Variants in APC observed in about 807,000 individuals in gnomAD.
The protein encoded by APC is adenomatous polyposis coli protein.
In APC, 72 loss-of-function variants were observed where a neutral mutation model predicts 247.0. The ratio of observed to expected loss-of-function variants is 0.29; its 90% confidence interval spans 0.24 to 0.35. The LOEUF (loss-of-function observed/expected upper bound fraction) is 0.35. Among genes scored for constraint, APC ranks in the 10% least tolerant of loss-of-function variants. The probability of loss-of-function intolerance (pLI) is 1.00; values close to 1 mark genes in which losing one functional copy is unlikely to be tolerated. For missense variants in APC, 3,400 were observed against 3,360.7 expected, an observed-to-expected ratio of 1.01 and a Z score of -0.29; for synonymous variants, 1,254 against 1,162.5, an observed-to-expected ratio of 1.08 and a Z score of -1.60.
chr5:112,802,245 TGTC>T (rs1350589538), intron 8 of APC, among the ~76,000 whole-genome samples: 8 of 152,096 alleles, frequency 5.3e-5, no homozygotes, highest in African/African-American at 1.9e-4. Flanking sequence ...AAGCTTAAAA[TGTC>T]TTATTAAGTA....
At chr5:112,818,047 G>C (rs989864146) in intron 9 of APC, among the ~76,000 whole-genome samples, 3 of 152,134 alleles carry the variant, frequency 2.0e-5, no homozygotes, top group Non-Finnish European at 4.4e-5. Context: ...TAACGTCCCT[G>C]GTCTCTCCCC....
At chr5:112,828,458 A>T (rs1394150804) in intron 13 of APC, among the ~76,000 whole-genome samples, 5 of 21,814 alleles carry the variant, frequency 2.3e-4, no homozygotes, top group African/African-American at 3.6e-4. Flanking sequence ...GGAGGAATTT[A>T]AAAAAAAAAA....
chr5:112,820,269 G>T (rs1762985833), intron 10 of APC, among the ~76,000 whole-genome samples: 1 of 151,958 alleles, frequency 6.6e-6, no homozygotes, highest in Non-Finnish European at 1.5e-5. Flanking sequence ...GTGAAGAGGA[G>T]ATGATACAAA....
intron 1 of APC, among the ~76,000 whole-genome samples, chr5:112,717,793 T>A (rs1229478310): frequency 6.6e-6 from 1 of 152,046 alleles, no homozygotes; most frequent in Non-Finnish European, 1.5e-5. Context: ...TTAGCCATTA[T>A]TTTTTCAAAT....
chr5:112,805,246 G>C (rs368758240), intron 8 of APC, among the ~76,000 whole-genome samples: 35 of 152,170 alleles, frequency 2.3e-4, no homozygotes, highest in African/African-American at 7.0e-4. Context: ...TGGGAAAATA[G>C]AAGAAAGCAC....
At chr5:112,707,979 T>C (rs1448833613) in intron 1 of APC, 23 of 1,196,408 alleles carry the variant, frequency 1.9e-5, no homozygotes, top group Non-Finnish European at 2.5e-5. Flanking sequence ...GGCCCGACTC[T>C]GTGGCTCTCT....
At chr5:112,759,225 A>G (rs570124904) in intron 2 of APC, among the ~76,000 whole-genome samples, 1 of 152,286 alleles carries the variant, frequency 6.6e-6, no homozygotes, top group South Asian at 2.1e-4. Flanking sequence ...TAATTATGAT[A>G]TACTGAAATA....
intron 8 of APC, among the ~76,000 whole-genome samples, chr5:112,806,646 C>T (rs993465129): frequency 6.6e-6 from 1 of 151,986 alleles, no homozygotes; most frequent in Non-Finnish European, 1.5e-5. Flanking sequence ...GGTGCAATCT[C>T]GGCTCATTGC....
chr5:112,707,545 A>G lies in APC; in HGVS notation c.-173A>G, dbSNP rs1273775271. 1.1e-5 allele frequency: 6 copies of G among 540,756 alleles called. No individual in the cohort carries two copies. Among genetic ancestry groups the G allele is most frequent in the East Asian group, 4.0e-5 (1 of 25,014 alleles). The allele number at this position is 540,756 out of a possible 1,614,324, so 33.5% of individuals were successfully genotyped here. On this transcript the variant is annotated 5_prime_UTR_variant, in exon 1 of 14. Transcript: ENST00000507379. ...CACAAGATGGCGGAGGGCAAGTAGC[A>G]AGGGGGCGGGGTGTGGCCGCCGGAA...
chr5:112,712,583 C>A (rs577796022), intron 1 of APC, among the ~76,000 whole-genome samples: 2 of 150,044 alleles, frequency 1.3e-5, no homozygotes, highest in Admixed American at 1.3e-4. Context: ...TTTAAGCGAC[C>A]GGGGCTTGCT....
rs1009703989 is a variant in APC, at chr5:112,719,781, G to A, written c.165+11899G>A. On this transcript the variant is annotated intron_variant, in intron 1 of 13. Coordinates refer to the APC transcript ENST00000507379. ...AACTCCTGAATTCCTGACCTCAGGTGATCCTCCCACCTCAGCCTCCCAAAG... is the reference window on the plus strand; with the variant it reads ...AACTCCTGAATTCCTGACCTCAGGTAATCCTCCCACCTCAGCCTCCCAAAG... 1.1e-4 allele frequency among the ~76,000 whole-genome samples: 16 copies of A among 152,250 alleles called. No individual in the cohort carries two copies. The South Asian group carries it at 3.1e-3, about 30-fold the overall frequency.
chr5:112,808,938 G>T (rs745382674), intron 8 of APC, among the ~76,000 whole-genome samples: 1 of 152,152 alleles, frequency 6.6e-6, no homozygotes, highest in Non-Finnish European at 1.5e-5. Context: ...GCAGCTAGAA[G>T]GGTAGTGATG....
At chr5:112,730,909 C>G (rs944505666) in intron 1 of APC, among the ~76,000 whole-genome samples, 4 of 151,930 alleles carry the variant, frequency 2.6e-5, no homozygotes, top group African/African-American at 9.7e-5. Context: ...TTCAGAAAAA[C>G]CGAAATTCTT....
At chr5:112,746,581 A>T (rs1270861815) in intron 1 of APC, among the ~76,000 whole-genome samples, 1 of 152,188 alleles carries the variant, frequency 6.6e-6, no homozygotes, top group Non-Finnish European at 1.5e-5. Context: ...TGACTGCATC[A>T]AGAAATTAAA....
At chr5:112,747,118 C>G (rs915860322) in intron 1 of APC, among the ~76,000 whole-genome samples, 1 of 152,182 alleles carries the variant, frequency 6.6e-6, no homozygotes, top group African/African-American at 2.4e-5. Context: ...CATGAGCCAC[C>G]ACACCTGGCC....
rs1378415930 is a variant in APC, at chr5:112,827,812, TATCAGTTATGATTAAAACAAAA to T, written c.1549-116_1549-95del. 19 of 775,148 alleles carry T rather than the reference TATCAGTTATGATTAAAACAAAA, an allele frequency of 2.5e-5. No homozygotes were observed. In the Admixed American group the frequency reaches 4.2e-4, roughly 17 times the overall value. 48.0% of individuals were successfully genotyped at this position (775,148 alleles called of 1,614,324 possible). A position where few individuals can be genotyped will look rare whatever the true frequency, so the allele number is the denominator to read the frequency against. On this transcript the variant is annotated intron_variant, in intron 12 of 15. Coordinates refer to ENST00000257430, the MANE Select transcript of APC (RefSeq NM_000038.6). Reference sequence around the variant, plus strand: ...TATTCTAGATTTTTTATGAGTGAAGTATCAGTTATGATTAAAACAAAATAATGAAAACTGAATTAGACATTTA... The same window carrying T: ...TATTCTAGATTTTTTATGAGTGAAGTTAATGAAAACTGAATTAGACATTTA...
At chr5:112,796,148 G>C (rs79688003) in intron 7 of APC, among the ~76,000 whole-genome samples, 1 of 152,166 alleles carries the variant, frequency 6.6e-6, no homozygotes, top group Non-Finnish European at 1.5e-5. Context: ...TGTAAAGGAA[G>C]GTGATTATAG....
chr5:112,779,512 T>C (rs969508309), intron 5 of APC, among the ~76,000 whole-genome samples: 2 of 152,212 alleles, frequency 1.3e-5, no homozygotes, highest in African/African-American at 4.8e-5. Flanking sequence ...TAAACTCTGC[T>C]TGTATTTTAT....
chr5:112,821,896 T>C lies in APC; in HGVS notation c.1313T>C (p.Met438Thr), dbSNP rs774212108. Reference protein sequence around the residue: ...EPGMDQDKNPMPAPVEHQICP... With the variant: ...EPGMDQDKNPTPAPVEHQICP... Reference sequence around the variant, plus strand: ...GGTTTATGTTGATTTTATTTTTCAGTGCCAGCTCCTGTTGAACATCAGATC... The same window carrying C: ...GGTTTATGTTGATTTTATTTTTCAGCGCCAGCTCCTGTTGAACATCAGATC... The change falls in exon 11 of 16, where the codon ATG (methionine) becomes ACG (threonine). Residue 438 changes from methionine (M) to threonine (T), a missense_variant and splice_region_variant. This residue lies in a region of APC where 199 missense variants were observed against 212.5 expected (regional missense o/e 0.94). Coordinates refer to ENST00000257430, the MANE Select transcript of APC (RefSeq NM_000038.6). 1.9e-6 allele frequency: 3 copies of C among 1,611,214 alleles called. No individual in the cohort carries two copies. In the East Asian group the frequency reaches 6.7e-5, roughly 36 times the overall value.
Sources: allele counts gnomAD v4.1 joint callset (sites outside exome capture counted in the v4.1 genomes callset), GRCh38; gene constraint gnomAD v4.1.1; regional missense constraint gnomAD v4.1.1; transcripts MANE v1.5; gene names NCBI Gene and HGNC (gene_info 2026-07-23, HGNC 2026-07-21).